Variants in KIAA1549 observed in about 807,000 individuals in gnomAD.
KIAA1549 encodes KIAA1549.
In KIAA1549, 70 loss-of-function variants were observed where a neutral mutation model predicts 156.4. The ratio of observed to expected loss-of-function variants is 0.45; its 90% CI spans 0.37 to 0.55. The LOEUF is 0.55. Among genes scored for constraint, KIAA1549 ranks in the 20% least tolerant of loss-of-function variants. The pLI is 0.00. For missense variants in KIAA1549, 2,428 were observed against 2,540.9 expected, an observed-to-expected ratio of 0.96 and a Z score of 0.96; for synonymous variants, 1,103 against 1,066.4, an observed-to-expected ratio of 1.03 and a Z score of -0.67.
At chr7:138,980,355 C>T (rs55635149) in intron 1 of KIAA1549, among the ~76,000 whole-genome samples, 8,701 of 152,266 alleles carry the variant, frequency 0.057, 819 homozygotes, top group African/African-American at 0.2. Flanking sequence ...AACCCTTATG[C>T]TTCTTCATAA....
chr7:138,912,488 C>T (rs767413630), intron 2 of KIAA1549, 28 bp from the exon 3 acceptor site: 2 of 1,564,608 alleles, frequency 1.3e-6, no homozygotes, highest in Non-Finnish European at 1.8e-6. Flanking sequence ...CCACCAAATG[C>T]CTTTTCATGT....
chr7:138,928,048 G>T (rs1812771729), intron 1 of KIAA1549, among the ~76,000 whole-genome samples: 1 of 151,392 alleles, frequency 6.6e-6, no homozygotes, highest in Admixed American at 6.6e-5. Context: ...AGCCTCCCGA[G>T]TAGCTGGGAC....
At chr7:138,968,073 C>T (rs975986398) in intron 1 of KIAA1549, among the ~76,000 whole-genome samples, 1 of 152,190 alleles carries the variant, frequency 6.6e-6, no homozygotes, top group Non-Finnish European at 1.5e-5. Flanking sequence ...TTATCCTCAG[C>T]AAACTAATCC....
At chr7:138,955,697 G>C (rs1175044570) in intron 1 of KIAA1549, among the ~76,000 whole-genome samples, 4 of 152,164 alleles carry the variant, frequency 2.6e-5, no homozygotes, top group Non-Finnish European at 5.9e-5. Flanking sequence ...GAAACACTAG[G>C]AAGATGCATA....
At chr7:138,978,248 G>A (rs1249655693) in intron 1 of KIAA1549, among the ~76,000 whole-genome samples, 1 of 152,098 alleles carries the variant, frequency 6.6e-6, no homozygotes, top group Non-Finnish European at 1.5e-5. Context: ...GAGATTATGG[G>A]TGACTGGTTT....
chr7:138,879,694 A>T (rs1037579389), intron 11 of KIAA1549, 41 bp from the exon 12 acceptor site: 1 of 1,287,814 alleles, frequency 7.8e-7, no homozygotes. Context: ...GAAACAAGAA[A>T]GAATGAAAAG....
At chr7:138,839,147 G>GCA (rs1296267700) in intron 19 of KIAA1549, among the ~76,000 whole-genome samples, 2 of 152,296 alleles carry the variant, frequency 1.3e-5, no homozygotes, top group East Asian at 3.9e-4. Flanking sequence ...TTTTAGGGAA[G>GCA]CACCTTATTC....
rs112709363 is a variant in KIAA1549, at chr7:138,883,313, CT to C, written c.4033-1730del. On this transcript the variant is annotated intron_variant, in intron 10 of 19. Coordinates refer to ENST00000422774, the MANE Select transcript of KIAA1549 (RefSeq NM_001164665.2). Reference sequence around the variant, plus strand: ...AAGCCATTTGTTATTGTTCACATTTCTTTTTTTTTTTTTTTTCTTAAGACAG... The same window carrying C: ...AAGCCATTTGTTATTGTTCACATTTCTTTTTTTTTTTTTTTCTTAAGACAG... Among the ~76,000 whole-genome samples, 593 of 123,650 alleles carry C rather than the reference CT, an allele frequency of 4.8e-3. 4 individuals are homozygous for C. Among genetic ancestry groups the C allele is most frequent in the African/African-American group, 0.016 (530 of 33,198 alleles). 81.1% of individuals were successfully genotyped at this position (123,650 alleles called of 152,430 possible). A position where few individuals can be genotyped will look rare whatever the true frequency, so the allele number is the denominator to read the frequency against.
At chr7:138,955,394 T>C (rs1414873079) in intron 1 of KIAA1549, among the ~76,000 whole-genome samples, 1 of 152,110 alleles carries the variant, frequency 6.6e-6, no homozygotes, top group Non-Finnish European at 1.5e-5. Flanking sequence ...TACTAGATGA[T>C]TCCATTTACA....
chr7:138,968,710 A>G (rs968828062), intron 1 of KIAA1549, among the ~76,000 whole-genome samples: 4 of 151,246 alleles, frequency 2.6e-5, no homozygotes, highest in Admixed American at 6.6e-5. Context: ...AATAATAATA[A>G]TTAGCCAGGC....
chr7:138,922,159 TGTATAGCTATTGTAC>T (rs1812582935), intron 1 of KIAA1549, among the ~76,000 whole-genome samples: 2 of 152,360 alleles, frequency 1.3e-5, no homozygotes, highest in East Asian at 3.9e-4. Flanking sequence ...GCTCTGACTT[TGTATAGCTATTGTAC>T]GAAACGTCAT....
chr7:138,899,908 G>C (rs1396212900), intron 8 of KIAA1549, among the ~76,000 whole-genome samples: 2 of 152,118 alleles, frequency 1.3e-5, no homozygotes, highest in Non-Finnish European at 2.9e-5. Context: ...TAGCACACTT[G>C]ACATATCGTA....
At position 138,869,499 on chromosome 7, in the gene KIAA1549, C is replaced by A. The variant is rs568303246; in HGVS notation, c.4775+39G>T. The stretch of plus-strand genomic sequence containing the variant: ...TCCTGTGCCCCCCGCAGCACCTCTG[C>A]GCGCCCGCCCCACCGCCTAGCGCAG... On this transcript the variant is annotated intron_variant, in intron 14 of 19. Transcript: ENST00000422774. 1.5e-5 allele frequency: 23 copies of A among 1,494,908 alleles called. No individual in the cohort carries two copies. In the African/African-American group the frequency reaches 3.2e-4, roughly 21 times the overall value. The allele number at this position is 1,494,908 out of a possible 1,614,324, so 92.6% of individuals were successfully genotyped here.
At chr7:138,889,577 C>T (rs998216061) in intron 10 of KIAA1549, among the ~76,000 whole-genome samples, 3 of 152,200 alleles carry the variant, frequency 2.0e-5, no homozygotes, top group Non-Finnish European at 4.4e-5. Context: ...AATTTCAAAA[C>T]GCTCAACTGA....
intron 1 of KIAA1549, among the ~76,000 whole-genome samples, chr7:138,959,728 G>C (rs1176856016): frequency 1.3e-5 from 2 of 152,172 alleles, no homozygotes; most frequent in Admixed American, 1.3e-4. Context: ...AGATTTAACT[G>C]TCAAAGAGGT....
At chr7:138,883,471 C>A (rs1335200415) in intron 10 of KIAA1549, among the ~76,000 whole-genome samples, 1 of 151,764 alleles carries the variant, frequency 6.6e-6, no homozygotes. Flanking sequence ...CGCCACCATG[C>A]CGGGGGTAAT....
intron 1 of KIAA1549, among the ~76,000 whole-genome samples, chr7:138,947,454 G>A (rs965662659): frequency 4.6e-5 from 7 of 152,066 alleles, no homozygotes; most frequent in African/African-American, 1.7e-4. Context: ...AGCCAGCCCA[G>A]GGGGTAGTCT....
intron 5 of KIAA1549, 102 bp downstream of exon 5, chr7:138,908,889 C>T (rs1393861354): frequency 1.3e-5 from 18 of 1,427,986 alleles, no homozygotes; most frequent in Middle Eastern, 3.8e-4. Context: ...ACTGGGTTTC[C>T]GCCACTGGAG....
intron 1 of KIAA1549, among the ~76,000 whole-genome samples, chr7:138,960,485 CT>C (rs779762987): frequency 5.3e-5 from 8 of 151,450 alleles, no homozygotes; most frequent in Admixed American, 4.0e-4. Flanking sequence ...ATTTTTTGTA[CT>C]TTTAGTAGAG....
Sources: gnomAD v4.1 joint callset for allele counts (sites outside exome capture counted in the v4.1 genomes callset) on GRCh38, gnomAD v4.1.1 for gene constraint, MANE v1.5 for transcripts, NCBI Gene and HGNC (gene_info 2026-07-23, HGNC 2026-07-21) for gene names.